Variants in HPD observed in about 807,000 individuals in gnomAD.
HPD encodes 4-hydroxyphenylpyruvate dioxygenase.
HPD carries 35 observed loss-of-function variants against 56.9 expected under a neutral mutation model. That is an observed-to-expected ratio of 0.62 (90% CI 0.47 to 0.82). The LOEUF is 0.82. Among genes scored for constraint, HPD ranks in the 40% least tolerant of loss-of-function variants. HPD has a pLI of 0.00. For synonymous variants in HPD, 186 were observed against 200.2 expected, an observed-to-expected ratio of 0.93 and a Z score of 0.60; for missense variants, 442 against 506.8, an observed-to-expected ratio of 0.87 and a Z score of 1.23.
chr12:121,839,681 CA>C lies in HPD; in HGVS notation c.*46del, dbSNP rs1218494116. ...AGGGAAGTTGGGCGAGTTCCAGAAT[CA>C]GGGGGCGTGGCTGTGTGGCTGTGGC... On this transcript the variant is annotated 3_prime_UTR_variant, in exon 14 of 14. Transcript: ENST00000289004. The C allele has an allele frequency of 2.9e-6, 4 of 1,357,334 alleles. No homozygotes were observed. The highest frequency in any genetic ancestry group is 1.4e-5 in the African/African-American group (1 of 70,178). The allele number at this position is 1,357,334 out of a possible 1,614,324, so 84.1% of individuals were successfully genotyped here. A position where few individuals can be genotyped will look rare whatever the true frequency, so the allele number is the denominator to read the frequency against.
At chr12:121,849,579 G>C in intron 8 of HPD, 108 bp downstream of exon 8, 1 of 788,598 alleles carries the variant, frequency 1.3e-6, no homozygotes, top group Non-Finnish European at 2.2e-6. Flanking sequence ...TTCCCTAGCC[G>C]GCTCCATTCT....
At position 121,849,093 on chromosome 12, in the gene HPD, A is replaced by T. The variant is rs1480446057; in HGVS notation, c.519-17T>A. 6.3e-7 allele frequency: 1 copy of T among 1,594,880 alleles called. No individual in the cohort carries two copies. Among genetic ancestry groups the T allele is most frequent in the South Asian group, 1.1e-5 (1 of 90,700 alleles). On this transcript the variant is annotated splice_polypyrimidine_tract_variant and intron_variant, in intron 8 of 13. Coordinates refer to ENST00000289004, the MANE Select transcript of HPD (RefSeq NM_002150.3). Reference sequence around the variant, plus strand: ...CATTTGGGCCTGGGAAGGGAAGAAGATGGGGGTGAGAAGGTGGCTACCCCC... The same window carrying T: ...CATTTGGGCCTGGGAAGGGAAGAAGTTGGGGGTGAGAAGGTGGCTACCCCC...
At chr12:121,884,766 A>C in the HPD span, among the ~76,000 whole-genome samples, 7 of 152,160 alleles carry the variant, frequency 4.6e-5, no homozygotes, top group African/African-American at 1.7e-4. Context: ...GAACATTTAT[A>C]TGTTTCACCA....
intron 12 of HPD, among the ~76,000 whole-genome samples, chr12:121,841,684 T>C (rs1201459639): frequency 1.0e-4 from 15 of 150,586 alleles, no homozygotes; most frequent in Non-Finnish European, 3.0e-5. Context: ...ATTTTGTGAT[T>C]CCTTTTTTTT....
chr12:121,883,600 C>G, the HPD span, among the ~76,000 whole-genome samples: 36 of 152,062 alleles, frequency 2.4e-4, no homozygotes, highest in Non-Finnish European at 4.6e-4. Context: ...TCTCCTCACC[C>G]TTTTTATTTG....
chr12:121,857,537 T>G (rs1878049421), intron 3 of HPD, 105 bp from the exon 4 acceptor site: 1 of 957,948 alleles, frequency 1.0e-6, no homozygotes, highest in Non-Finnish European at 1.7e-6. Flanking sequence ...CCCTATTGCC[T>G]CAGGGGCAGA....
upstream of HPD, among the ~76,000 whole-genome samples, chr12:121,864,094 A>AAAAAAAAAAC: frequency 6.6e-6 from 1 of 150,692 alleles, no homozygotes; most frequent in Non-Finnish European, 1.5e-5. Flanking sequence ...AAAAAAAAAA[A>AAAAAAAAAAC]AATTAGCTGG....
At chr12:121,857,642 C>T in intron 3 of HPD, 115 bp downstream of exon 3, 1 of 972,228 alleles carries the variant, frequency 1.0e-6, no homozygotes, top group Non-Finnish European at 1.7e-6. Flanking sequence ...TGGCCCACCC[C>T]TGGCCTGATC....
At chr12:121,877,765 G>A in the HPD span, among the ~76,000 whole-genome samples, 28 of 152,124 alleles carry the variant, frequency 1.8e-4, no homozygotes, top group Non-Finnish European at 4.0e-4. Context: ...GAAGAGCTGG[G>A]TGGGATTGGG....
chr12:121,857,512 C>T, intron 3 of HPD, 80 bp from the exon 4 acceptor site: 1 of 1,135,660 alleles, frequency 8.8e-7, no homozygotes, highest in Non-Finnish European at 1.3e-6. Flanking sequence ...CCCCTGGCCC[C>T]CCTCAGCCTG....
In HPD at chr12:121,858,794, C is replaced by T. The variant is rs544165051; in HGVS notation, c.3+27G>A. 21 of 1,614,096 alleles carry T rather than the reference C, an allele frequency of 1.3e-5. No individual in the cohort carries two copies. In the African/African-American group the frequency reaches 1.9e-4, roughly 14 times the overall value. ...GGAAGCGTTACTGAAGATGTCCCACCCAAGGGGAGATGGCCATGGCACTTA... is the reference window on the plus strand; with the variant it reads ...GGAAGCGTTACTGAAGATGTCCCACTCAAGGGGAGATGGCCATGGCACTTA... On this transcript the variant is annotated intron_variant, in intron 1 of 13. Transcript: ENST00000289004.
Position 121,839,970 on chromosome 12 carries a change from TG to T in HPD, c.1032del (p.Thr345ArgfsTer111), listed in dbSNP as rs1877352358. ...CGCTGGATGACTTCCAGGAAGAGCG[TG>T]GGCCGGTCCTGCACCGGTTTGGTGA... Reference protein sequence around the residue: ...QIFTKPVQDRPTLFLEVIQRH... With the variant: ...QIFTKPVQDRXTLFLEVIQRH... On this transcript the variant is annotated frameshift_variant, in exon 13 of 14. Coordinates refer to ENST00000289004, the MANE Select transcript of HPD (RefSeq NM_002150.3). LOFTEE classifies it high-confidence loss of function. The T allele has an allele frequency of 6.2e-7, 1 of 1,613,844 alleles. No homozygotes were observed. The highest frequency in any genetic ancestry group is 8.5e-7 in the Non-Finnish European group (1 of 1,179,970).
the HPD span, among the ~76,000 whole-genome samples, chr12:121,884,170 T>C: frequency 9.5e-6 from 1 of 105,460 alleles, no homozygotes; most frequent in East Asian, 2.9e-4. Flanking sequence ...TCTTTTCCTC[T>C]CTTTTTTTTT....
chr12:121,842,439 T>A (rs966046622), intron 12 of HPD, among the ~76,000 whole-genome samples: 9 of 151,746 alleles, frequency 5.9e-5, no homozygotes, highest in African/African-American at 2.2e-4. Context: ...CCTAACTGTT[T>A]TTGTTTTTCT....
In HPD at chr12:121,849,704, G is replaced by T; in HGVS notation, c.501C>A (p.Asp167Glu). ...LPGYEAPAFM[D>E]PLLPKLPKCS... ...ACACTCACAGTTTAGGAAGTAGGGG[G>T]TCCATGAACGCTGGGGCCTCATATC... Residue 167 changes from aspartate (D) to glutamate (E), a missense_variant, in exon 8 of 14, where the codon GAC becomes GAA. Coordinates refer to ENST00000289004, the MANE Select transcript of HPD (RefSeq NM_002150.3). The T allele has an allele frequency of 1.2e-6, 2 of 1,612,106 alleles. No homozygotes were observed. The highest frequency in any genetic ancestry group is 1.7e-6 in the Non-Finnish European group (2 of 1,178,214).
chr12:121,842,669 A>G (rs1426528079), intron 12 of HPD, among the ~76,000 whole-genome samples: 1 of 149,854 alleles, frequency 6.7e-6, no homozygotes, highest in African/African-American at 2.5e-5. Context: ...ACCTCAAGTG[A>G]TCCACCTGCC....
chr12:121,879,482 G>GTTCTCTTCTCTTCTCTTCTCTTCTC, the HPD span, among the ~76,000 whole-genome samples: 4,878 of 147,956 alleles, frequency 0.033, 142 homozygotes, highest in Middle Eastern at 0.052. Flanking sequence ...TTTCTCTTCT[G>GTTCTCTTCTCTTCTCTTCTCTTCTC]TTCTCTTCTC....
intron 6 of HPD, among the ~76,000 whole-genome samples, chr12:121,855,038 T>C (rs1877944034): frequency 6.6e-6 from 1 of 152,202 alleles, no homozygotes; most frequent in South Asian, 2.1e-4. Context: ...GATGGGTGTC[T>C]GTCCTGCCTC....
the HPD span, among the ~76,000 whole-genome samples, chr12:121,880,603 C>CTTTA: frequency 6.6e-6 from 1 of 152,144 alleles, no homozygotes; most frequent in Non-Finnish European, 1.5e-5. Context: ...GTTTAATGCT[C>CTTTA]TTTAACAATT....
Sources: gnomAD v4.1 joint callset for allele counts (sites outside exome capture counted in the v4.1 genomes callset) on GRCh38, gnomAD v4.1.1 for gene constraint, MANE v1.5 for transcripts, NCBI Gene and HGNC (gene_info 2026-07-23, HGNC 2026-07-21) for gene names.